Variants in GRAMD1C observed in about 807,000 individuals in gnomAD.
GRAMD1C encodes protein Aster-C.
Under a neutral mutation model 97.8 loss-of-function variants are expected in GRAMD1C, and 89 were observed. The ratio of observed to expected loss-of-function variants is 0.91; its 90% CI spans 0.77 to 1.09. The LOEUF (loss-of-function observed/expected upper bound fraction) is 1.09, where lower values mean the gene tolerates loss of function less well. Ranked by LOEUF, GRAMD1C falls within the 50% of genes least tolerant of loss-of-function variation. GRAMD1C has a pLI of 0.00. For missense variants in GRAMD1C, 740 were observed against 766.4 expected (o/e 0.97, Z 0.41); for synonymous variants, 256 against 267.0 (o/e 0.96, Z 0.40).
At chr3:113,916,389 A>G (rs1455638075) in intron 10 of GRAMD1C, among the ~76,000 whole-genome samples, 1 of 152,256 alleles carries the variant, frequency 6.6e-6, no homozygotes, top group Non-Finnish European at 1.5e-5. Context: ...TAGATTGTGT[A>G]TATTCCCACA....
In GRAMD1C at chr3:113,838,873, C is replaced by T. The variant is rs1255335953; in HGVS notation, c.-37C>T. ...GGGCGCGGGGCGGTGCGGTGCGGTG[C>T]GCGCGGGGCGGTGCCGCGGCGGCGG... On this transcript the variant is annotated 5_prime_UTR_variant, in exon 1 of 18. Transcript: ENST00000358160. 3.3e-6 allele frequency: 4 copies of T among 1,226,192 alleles called. No homozygotes were observed. Among genetic ancestry groups the T allele is most frequent in the South Asian group, 4.1e-5 (1 of 24,324 alleles). 76.0% of individuals were successfully genotyped at this position (1,226,192 alleles called of 1,614,324 possible).
chr3:113,879,129 C>CG (rs1935168322), intron 5 of GRAMD1C, among the ~76,000 whole-genome samples: 1 of 151,096 alleles, frequency 6.6e-6, no homozygotes, highest in South Asian at 2.1e-4. Flanking sequence ...CGCTTGAACC[C>CG]GGGGGGTGGA....
chr3:113,913,429 C>CA (rs765510213), intron 9 of GRAMD1C, among the ~76,000 whole-genome samples: 10,113 of 67,474 alleles, frequency 0.15, 556 homozygotes, highest in East Asian at 0.24. Flanking sequence ...ACTCTGTCTC[C>CA]AAAAAAAAAA....
In GRAMD1C at chr3:113,897,598, CTG is replaced by C. The variant is rs1012715358; in HGVS notation, c.541-3432_541-3431del. On this transcript the variant is annotated intron_variant, in intron 6 of 17. Coordinates refer to ENST00000358160, the MANE Select transcript of GRAMD1C (RefSeq NM_017577.5). ...ATTAGAAAAGCTTCTCATAGCAAAACTGAGAGATTGAAGCAGTGATTATTTTT... is the reference window on the plus strand; with the variant it reads ...ATTAGAAAAGCTTCTCATAGCAAAACAGAGATTGAAGCAGTGATTATTTTT... 7 of 982,288 alleles carry C rather than the reference CTG, an allele frequency of 7.1e-6. No individual in the cohort carries two copies. In the African/African-American group the frequency reaches 1.2e-4, roughly 17 times the overall value. 60.8% of individuals were successfully genotyped at this position (982,288 alleles called of 1,614,324 possible).
intron 11 of GRAMD1C, among the ~76,000 whole-genome samples, chr3:113,932,286 A>C (rs1407065657): frequency 6.6e-6 from 1 of 152,214 alleles, no homozygotes; most frequent in Non-Finnish European, 1.5e-5. Context: ...ATACCTTTAA[A>C]CAATTCTTAA....
chr3:113,891,288 A>G (rs1485003172), intron 6 of GRAMD1C, among the ~76,000 whole-genome samples: 2 of 152,222 alleles, frequency 1.3e-5, no homozygotes, highest in Non-Finnish European at 2.9e-5. Flanking sequence ...GAATTCAACC[A>G]GAACAATTTT....
intron 11 of GRAMD1C, 86 bp downstream of exon 11, chr3:113,930,918 G>A (rs1937394855): frequency 1.0e-5 from 7 of 673,888 alleles, no homozygotes; most frequent in Non-Finnish European, 1.8e-5. Context: ...TTACAAGACA[G>A]TTTCAATAAA....
intron 2 of GRAMD1C, among the ~76,000 whole-genome samples, chr3:113,854,193 A>C (rs1264038497): frequency 4.6e-5 from 7 of 152,042 alleles, no homozygotes; most frequent in Non-Finnish European, 8.8e-5. Flanking sequence ...TATGGATAGA[A>C]AGGTCAGGTG....
intron 2 of GRAMD1C, among the ~76,000 whole-genome samples, chr3:113,856,862 A>T (rs1934152173): frequency 7.9e-6 from 1 of 126,606 alleles, no homozygotes; most frequent in Non-Finnish European, 1.7e-5. Flanking sequence ...TTTTTTTTTA[A>T]AAGATCTGGC....
At chr3:113,933,762 A>G in intron 12 of GRAMD1C, 109 bp downstream of exon 12, 2 of 777,056 alleles carry the variant, frequency 2.6e-6, no homozygotes, top group Non-Finnish European at 4.1e-6. Context: ...TTTCTTGCTT[A>G]AATTACATTT....
rs1367741414 is a variant in GRAMD1C at position 113,830,077 on chromosome 3, T to C, written n.98+1798T>C. On this transcript the variant is annotated intron_variant and non_coding_transcript_variant, in intron 1 of 18. Coordinates refer to the GRAMD1C transcript ENST00000479212. ...ATGATCTTGGGGAGGTGGTATCTGA[T>C]TTATATAGGGCACAAAAGATTGGTC... Among the ~76,000 whole-genome samples, 19 of 152,158 alleles carry C rather than the reference T, an allele frequency of 1.2e-4. No individual in the cohort carries two copies. In the East Asian group the frequency reaches 3.7e-3, roughly 29 times the overall value.
chr3:113,877,312 A>G (rs1935086387), intron 5 of GRAMD1C, among the ~76,000 whole-genome samples: 1 of 152,240 alleles, frequency 6.6e-6, no homozygotes, highest in Admixed American at 6.5e-5. Context: ...TAACCACAAT[A>G]TAATTCAACA....
chr3:113,934,471 C>G lies in GRAMD1C; in HGVS notation c.1392C>G (p.Gly464=). 1.3e-6 allele frequency: 2 copies of G among 1,582,058 alleles called. No individual in the cohort carries two copies. Among genetic ancestry groups the G allele is most frequent in the Non-Finnish European group, 1.7e-6 (2 of 1,156,740 alleles). ...TGAAATACAGAAAACAGCCATGGGG[C>G]CTTGTCAAATCTTTAATTGAAAAGA... is the stretch of plus-strand genomic sequence containing the variant. ...TDLKYRKQPW[G]LVKSLIEKNS... is the part of the protein sequence containing the mutation. The change falls in exon 13 of 18, where the codon GGC becomes GGG. Residue 464 remains glycine, a synonymous_variant. Transcript: ENST00000358160.
intron 6 of GRAMD1C, among the ~76,000 whole-genome samples, chr3:113,898,999 A>G (rs975796542): frequency 4.6e-5 from 7 of 152,076 alleles, no homozygotes; most frequent in African/African-American, 1.7e-4. Flanking sequence ...AACATAACAA[A>G]CAAAGATGCC....
intron 1 of GRAMD1C, among the ~76,000 whole-genome samples, chr3:113,829,659 T>C (rs1709532894): frequency 6.6e-6 from 1 of 152,216 alleles, no homozygotes; most frequent in African/African-American, 2.4e-5. Context: ...TTGCTTTATT[T>C]ATTATTCTCT....
In GRAMD1C at chr3:113,901,153, C is replaced by T. The variant is rs1936155743; in HGVS notation, c.656+7C>T. 3 of 1,421,664 alleles carry T rather than the reference C, an allele frequency of 2.1e-6. No homozygotes were observed. The African/African-American group carries it at 4.2e-5, about 20-fold the overall frequency. The allele number at this position is 1,421,664 out of a possible 1,614,324, so 88.1% of individuals were successfully genotyped here. A position where few individuals can be genotyped will look rare whatever the true frequency, so the allele number is the denominator to read the frequency against. ...TTGAGGATGTGCAGCCAAGGTACAG[C>T]AAAATGTTTTGAAATGTCAAAATTT... On this transcript the variant is annotated splice_region_variant and intron_variant, in intron 7 of 17. Transcript: ENST00000358160.
At chr3:113,843,214 A>G (rs1025757110) in intron 1 of GRAMD1C, among the ~76,000 whole-genome samples, 4 of 151,938 alleles carry the variant, frequency 2.6e-5, no homozygotes, top group Non-Finnish European at 2.9e-5. Context: ...AACTGGGACA[A>G]TAGGCGCATG....
chr3:113,863,940 C>G (rs1279196256), intron 2 of GRAMD1C, among the ~76,000 whole-genome samples: 3 of 152,172 alleles, frequency 2.0e-5, no homozygotes, highest in Non-Finnish European at 4.4e-5. Flanking sequence ...AGATCCTCTC[C>G]TGAAAATGCT....
chr3:113,840,715 C>T (rs1230033657), intron 1 of GRAMD1C, among the ~76,000 whole-genome samples: 2 of 152,182 alleles, frequency 1.3e-5, no homozygotes, highest in Non-Finnish European at 2.9e-5. Context: ...CTGTTTGTGC[C>T]ATTGCACTCC....
Sources: allele counts gnomAD v4.1 joint callset (sites outside exome capture counted in the v4.1 genomes callset), GRCh38; gene constraint gnomAD v4.1.1; transcripts MANE v1.5; gene names NCBI Gene and HGNC (gene_info 2026-07-23, HGNC 2026-07-21).